TP73: variants seen among roughly 807,000 people sequenced by gnomAD.
TP73 encodes tumor protein p73, also known as p53-like transcription factor.
In TP73, 25 loss-of-function variants were observed where a neutral mutation model predicts 62.5. That is an observed-to-expected ratio of 0.40 (90% confidence interval 0.29 to 0.56). The LOEUF is 0.56. TP73 is among the 20% of genes least tolerant of loss of function. TP73 has a pLI of 0.46. For missense variants in TP73, 754 were observed against 913.3 expected (o/e 0.83, Z 2.25); for synonymous variants, 423 against 377.5 (o/e 1.12, Z -1.40).
At chr1:3,684,283 C>T (rs1645596213) in intron 3 of TP73, among the ~76,000 whole-genome samples, 1 of 152,236 alleles carries the variant, frequency 6.6e-6, no homozygotes, top group Non-Finnish European at 1.5e-5. Flanking sequence ...TGCGGAAAAC[C>T]AGCCCGAACT....
At chr1:3,660,521 G>A (rs996635729) in intron 1 of TP73, among the ~76,000 whole-genome samples, 95 of 152,316 alleles carry the variant, frequency 6.2e-4, no homozygotes, top group African/African-American at 1.9e-3. Flanking sequence ...CTCTATGGCC[G>A]TAAAAATAAA....
chr1:3,703,995 G>A (rs565351468), intron 3 of TP73, among the ~76,000 whole-genome samples: 1 of 152,310 alleles, frequency 6.6e-6, no homozygotes, highest in African/African-American at 2.4e-5. Flanking sequence ...GCTGGCACCC[G>A]GTACCCGGTG....
At position 3,701,067 on chromosome 1, in the gene TP73, C is replaced by A. The variant is rs1327236612; in HGVS notation, c.187-6482C>A. 6.6e-6 allele frequency among the ~76,000 whole-genome samples: 1 copy of A among 152,208 alleles called. No homozygotes were observed. The highest frequency in any genetic ancestry group is 1.5e-5 in the Non-Finnish European group (1 of 68,034). On this transcript the variant is annotated intron_variant, in intron 3 of 13. Coordinates refer to ENST00000378295, the MANE Select transcript of TP73 (RefSeq NM_005427.4). This position sits in a 1 kb window ranked among gnomAD's most constrained non-coding sequence, Gnocchi z 4.7. ...GCCGACATGGCGGGCAGTGGCACAC[C>A]GTGGCCACTTCCCCCAGTTGGATGG...
chr1:3,708,948 CCT>C (rs377434444), intron 4 of TP73, among the ~76,000 whole-genome samples: 1,550 of 152,354 alleles, frequency 0.01, 22 homozygotes, highest in African/African-American at 0.034. Flanking sequence ...ATTCCCACCC[CCT>C]GTCGGGAGTG....
chr1:3,710,164 C>A (rs3753208), intron 4 of TP73, among the ~76,000 whole-genome samples: 1 of 145,046 alleles, frequency 6.9e-6, no homozygotes, highest in South Asian at 2.2e-4. Context: ...GACACCTCCT[C>A]GCTCCCTCCC....
chr1:3,700,343 CCT>C (rs1408154945), intron 3 of TP73, among the ~76,000 whole-genome samples: 2 of 152,152 alleles, frequency 1.3e-5, no homozygotes, highest in African/African-American at 2.4e-5. Context: ...ACATCTGTCC[CCT>C]GTCATCCGAT....
intron 4 of TP73, among the ~76,000 whole-genome samples, chr1:3,709,572 G>A (rs749588551): frequency 1.3e-4 from 20 of 152,184 alleles, no homozygotes; most frequent in Non-Finnish European, 2.2e-4. Context: ...GGGGCAAGGG[G>A]GACCAGGCCT....
chr1:3,666,995 A>C lies in TP73; in HGVS notation c.-34+14354A>C, dbSNP rs1455400177. The stretch of plus-strand genomic sequence containing the variant: ...TTTTGAGATGGGGAGGCCATCTGGC[A>C]GGATCCAGGTGGGTCCAGTGTCATC... On this transcript the variant is annotated intron_variant, in intron 1 of 13. Coordinates refer to ENST00000378295, the MANE Select transcript of TP73 (RefSeq NM_005427.4). The surrounding 1 kb of genome is among the most constrained non-coding windows in gnomAD (Gnocchi z 6.4). 6.6e-6 allele frequency among the ~76,000 whole-genome samples: 1 copy of C among 152,224 alleles called. No individual in the cohort carries two copies. The highest frequency in any genetic ancestry group is 2.4e-5 in the African/African-American group (1 of 41,452).
intron 3 of TP73, among the ~76,000 whole-genome samples, chr1:3,698,942 C>T (rs3765735): frequency 6.6e-6 from 1 of 152,098 alleles, no homozygotes; most frequent in Non-Finnish European, 1.5e-5. Context: ...GGGGACTGCT[C>T]CTGGGGGCGC....
At chr1:3,711,185 C>A (rs536101224) in intron 4 of TP73, among the ~76,000 whole-genome samples, 3 of 152,342 alleles carry the variant, frequency 2.0e-5, no homozygotes, top group South Asian at 2.1e-4. Flanking sequence ...GCTCTTGGGA[C>A]TTCTTAGGTC....
chr1:3,664,482 G>T (rs1645068243), intron 1 of TP73, among the ~76,000 whole-genome samples: 1 of 152,190 alleles, frequency 6.6e-6, no homozygotes, highest in Admixed American at 6.5e-5. Flanking sequence ...TTTGGAAAGG[G>T]CAGGGAAGCT....
rs141605133 is a variant in TP73 at position 3,707,659 on chromosome 1, C to T, written c.297C>T (p.Tyr99=). 28 of 1,613,064 alleles carry T rather than the reference C, an allele frequency of 1.7e-5. No individual in the cohort carries two copies. Among genetic ancestry groups the T allele is most frequent in the East Asian group, 4.5e-5 (2 of 44,886 alleles). The stretch of plus-strand genomic sequence containing the variant: ...CCAGCGTGCCCACCCACTCGCCCTA[C>T]GCACAACCCAGCTCCACCTTCGACA... ...HAASVPTHSP[Y]AQPSSTFDTM... The change falls in exon 4 of 14, where the codon TAC becomes TAT. Residue 99 remains tyrosine, a synonymous_variant. Coordinates refer to ENST00000378295, the MANE Select transcript of TP73 (RefSeq NM_005427.4).
chr1:3,727,899 C>G, intron 8 of TP73, 129 bp downstream of exon 8: 1 of 1,359,956 alleles, frequency 7.4e-7, no homozygotes, highest in Non-Finnish European at 9.7e-7. Context: ...CAGACTCCTC[C>G]CTGACGGAGC....
At chr1:3,707,507 C>T in intron 3 of TP73, 42 bp from the exon 4 acceptor site, 3 of 1,584,938 alleles carry the variant, frequency 1.9e-6, no homozygotes, top group Non-Finnish European at 2.6e-6. Flanking sequence ...GGACGACTGA[C>T]TGTGTGTGTT....
intron 3 of TP73, 63 bp downstream of exon 3, chr1:3,683,243 T>G (rs1645567654): frequency 2.0e-6 from 3 of 1,532,150 alleles, no homozygotes; most frequent in Non-Finnish European, 1.8e-6. Flanking sequence ...TGGCCTGTCC[T>G]GTCTTGGGAG....
rs2124533264 is a variant in TP73, at chr1:3,729,432, C to T, written c.1180C>T (p.Gln394Ter). The T allele has an allele frequency of 1.2e-6, 2 of 1,612,804 alleles. No homozygotes were observed. The highest frequency in any genetic ancestry group is 1.7e-6 in the Non-Finnish European group (2 of 1,179,978). Residue 394 changes from glutamine (Q) to a stop codon, truncating the protein, a stop_gained, in exon 10 of 14, where the codon CAG (glutamine) becomes TAG (stop). Transcript: ENST00000378295. LOFTEE classifies it high-confidence loss of function. ...GGTGGACTCCTATCGGCAGCAGCAGCAGCTCCTACAGAGGCCGTGAGTCAG... is the reference window on the plus strand; with the variant it reads ...GGTGGACTCCTATCGGCAGCAGCAGTAGCTCCTACAGAGGCCGTGAGTCAG... ...PLVDSYRQQQ[Q>*]LLQRPSHLQP...
chr1:3,665,876 T>C (rs1167755803), intron 1 of TP73, among the ~76,000 whole-genome samples: 1 of 138,950 alleles, frequency 7.2e-6, no homozygotes, highest in Non-Finnish European at 1.5e-5. Flanking sequence ...GGCTCACACC[T>C]GTAATCCCAG....
At chr1:3,671,439 A>G (rs898313248) in intron 1 of TP73, among the ~76,000 whole-genome samples, 11 of 152,242 alleles carry the variant, frequency 7.2e-5, no homozygotes, top group African/African-American at 2.7e-4. Flanking sequence ...GAGTCCCACA[A>G]GATCACAGCC....
At chr1:3,730,751 G>A (rs549248475) in intron 11 of TP73, among the ~76,000 whole-genome samples, 176 bp from the exon 12 acceptor site, 82 of 152,316 alleles carry the variant, frequency 5.4e-4, no homozygotes, top group Middle Eastern at 3.4e-3. Context: ...GAGGAGACAG[G>A]GCCCCAGGTG....
Sources: allele counts gnomAD v4.1 joint callset (sites outside exome capture counted in the v4.1 genomes callset), GRCh38; gene constraint gnomAD v4.1.1; non-coding constraint Gnocchi (gnomAD v3.1); transcripts MANE v1.5; gene names NCBI Gene and HGNC (gene_info 2026-07-23, HGNC 2026-07-21).